Variants in LMNB1 observed in about 807,000 individuals in gnomAD.
The protein encoded by LMNB1 is lamin-B1.
In LMNB1, 23 loss-of-function variants were observed where a neutral mutation model predicts 67.1. That is an observed-to-expected ratio of 0.34 (90% CI 0.25 to 0.49). The LOEUF is 0.49. Ranked by LOEUF, LMNB1 falls within the 20% of genes least tolerant of loss-of-function variation. The pLI is 0.99. For synonymous variants in LMNB1, 281 were observed against 282.9 expected (o/e 0.99, Z 0.07); for missense variants, 634 against 746.5 (o/e 0.85, Z 1.76).
At position 126,818,963 on chromosome 5, in the gene LMNB1, G is replaced by C. The variant is rs371177009; in HGVS notation, c.981G>C (p.Leu327Phe). Reference sequence around the variant, plus strand: ...AAAGGATTCAAGAATTAGAGGACTTGCTTGCTAAAGAAAAAGACAACTCTC... The same window carrying C: ...AAAGGATTCAAGAATTAGAGGACTTCCTTGCTAAAGAAAAAGACAACTCTC... Reference protein sequence around the residue: ...CLERIQELEDLLAKEKDNSRR... With the variant: ...CLERIQELEDFLAKEKDNSRR... Residue 327 changes from leucine to phenylalanine, a missense_variant, in exon 6 of 11, where the codon TTG (leucine) becomes TTC (phenylalanine). Physicochemically the swap from Leu to Phe is conservative, Grantham distance 22. Coordinates refer to ENST00000261366, the MANE Select transcript of LMNB1 (RefSeq NM_005573.4). The C allele has an allele frequency of 3.7e-6, 6 of 1,614,032 alleles. No homozygotes were observed. Among genetic ancestry groups the C allele is most frequent in the Non-Finnish European group, 5.1e-6 (6 of 1,180,006 alleles).
At position 126,777,746 on chromosome 5, in the gene LMNB1, G is replaced by C; in HGVS notation, c.238G>C (p.Ala80Pro). 1 of 1,537,166 alleles carries C rather than the reference G, an allele frequency of 6.5e-7. No individual in the cohort carries two copies. The highest frequency in any genetic ancestry group is 8.8e-7 in the Non-Finnish European group (1 of 1,140,726). ...VRGRELTGLK[A>P]LYETELADAR... ...CGGCCGTGAGCTCACCGGCCTCAAG[G>C]CGCTCTACGAGACCGAGCTGGCCGA... Residue 80 changes from alanine (A) to proline (P), a missense_variant, in exon 1 of 11, where the codon GCG becomes CCG. Physicochemically the swap from Ala to Pro is conservative, Grantham distance 27. Transcript: ENST00000261366.
intron 8 of LMNB1, 69 bp from the exon 9 acceptor site, chr5:126,825,919 C>T (rs965084851): frequency 5.0e-6 from 8 of 1,601,638 alleles, no homozygotes; most frequent in Admixed American, 3.4e-5. Context: ...TGAGTCTCAT[C>T]GCATTGCTGT....
In LMNB1 at chr5:126,836,945, G is replaced by A. The variant is rs1235073135; in HGVS notation, c.*681G>A. 1 of 398,036 alleles carries A rather than the reference G, an allele frequency of 2.5e-6. No homozygotes were observed. The highest frequency in any genetic ancestry group is 4.4e-5 in the Admixed American group (1 of 22,690). The allele number at this position is 398,036 out of a possible 1,614,324, so 24.7% of individuals were successfully genotyped here. ...GTTTCTCTATTAAAATGCATTCGTTGTGTTTTTTAAGATAGTGTAACTTGC... is the reference window on the plus strand; with the variant it reads ...GTTTCTCTATTAAAATGCATTCGTTATGTTTTTTAAGATAGTGTAACTTGC... On this transcript the variant is annotated 3_prime_UTR_variant, in exon 11 of 11. Coordinates refer to ENST00000261366, the MANE Select transcript of LMNB1 (RefSeq NM_005573.4).
chr5:126,818,901 T>C (rs745532498), intron 5 of LMNB1, 21 bp from the exon 6 acceptor site: 5 of 1,544,412 alleles, frequency 3.2e-6, no homozygotes, highest in Non-Finnish European at 2.7e-6. Context: ...AGAAAGTAAA[T>C]ATGTTTCCTT....
intron 6 of LMNB1, among the ~76,000 whole-genome samples, chr5:126,819,802 T>G (rs1219154356): frequency 6.6e-6 from 1 of 152,068 alleles, no homozygotes; most frequent in Admixed American, 6.6e-5. Context: ...TTATATATAT[T>G]TTAAATCTGG....
At chr5:126,791,520 T>TGC (rs1406410507) in intron 1 of LMNB1, among the ~76,000 whole-genome samples, 12 of 148,844 alleles carry the variant, frequency 8.1e-5, no homozygotes, top group South Asian at 2.2e-4. Flanking sequence ...TGCAGTGGCA[T>TGC]GATCTTGGCT....
intron 1 of LMNB1, among the ~76,000 whole-genome samples, chr5:126,800,410 T>C (rs1158106133): frequency 6.6e-6 from 1 of 151,816 alleles, no homozygotes; most frequent in Non-Finnish European, 1.5e-5. Flanking sequence ...CCAATGGCAG[T>C]TGGTTAGGAA....
intron 6 of LMNB1, 50 bp from the exon 7 acceptor site, chr5:126,820,860 A>T: frequency 7.5e-7 from 1 of 1,338,752 alleles, no homozygotes; most frequent in Non-Finnish European, 1.1e-6. Flanking sequence ...TTTTAAGGCG[A>T]GAAGGGCATA....
At chr5:126,813,483 C>CT (rs1298110582) in intron 5 of LMNB1, among the ~76,000 whole-genome samples, 1 of 152,186 alleles carries the variant, frequency 6.6e-6, no homozygotes, top group Non-Finnish European at 1.5e-5. Context: ...AACAGATAAT[C>CT]TTTTTTTCCA....
At chr5:126,820,848 T>G (rs923974722) in intron 6 of LMNB1, 62 bp from the exon 7 acceptor site, 64 of 1,319,140 alleles carry the variant, frequency 4.9e-5, no homozygotes, top group Middle Eastern at 1.8e-4. Flanking sequence ...TGTTTTTTTT[T>G]TTTTTAAGGC....
chr5:126,793,053 T>A (rs1751003995), intron 1 of LMNB1, among the ~76,000 whole-genome samples: 1 of 152,142 alleles, frequency 6.6e-6, no homozygotes, highest in South Asian at 2.1e-4. Context: ...TTAAAAACAG[T>A]ATATAGCTAC....
intron 1 of LMNB1, among the ~76,000 whole-genome samples, chr5:126,796,794 T>C (rs1436957351): frequency 5.4e-5 from 8 of 147,460 alleles, no homozygotes; most frequent in African/African-American, 1.7e-4. Flanking sequence ...TTCTTTTTTT[T>C]TTTTTTTTTT....
chr5:126,799,144 G>A (rs1319046919), intron 1 of LMNB1, among the ~76,000 whole-genome samples: 6 of 150,706 alleles, frequency 4.0e-5, no homozygotes, highest in Admixed American at 1.3e-4. Flanking sequence ...TCAGCCTCCC[G>A]AGTAGCTGGG....
chr5:126,810,067 C>T (rs537245514), intron 3 of LMNB1, 113 bp from the exon 4 acceptor site: 64 of 961,734 alleles, frequency 6.7e-5, no homozygotes, highest in Non-Finnish European at 9.0e-5. Flanking sequence ...CGCCTGAGGA[C>T]AAACAGGAGG....
Position 126,826,807 on chromosome 5 carries a change from C to T in LMNB1, c.1611+700C>T, listed in dbSNP as rs566825370. ...ATCACCTTATCCAGGTGCTGTACCA[C>T]GCATCACTGAGCCTCTGTTTAGAAT... On this transcript the variant is annotated intron_variant, in intron 9 of 10. Coordinates refer to ENST00000261366, the MANE Select transcript of LMNB1 (RefSeq NM_005573.4). 1.4e-3 allele frequency among the ~76,000 whole-genome samples: 219 copies of T among 152,340 alleles called. 2 individuals carry two copies. The highest frequency in any genetic ancestry group is 4.8e-3 in the African/African-American group (198 of 41,566).
chr5:126,805,797 C>A, intron 3 of LMNB1, 101 bp downstream of exon 3: 1 of 920,302 alleles, frequency 1.1e-6, no homozygotes, highest in Non-Finnish European at 1.6e-6. Flanking sequence ...ATTTCTTTGC[C>A]ACAAAAATAT....
In LMNB1 at chr5:126,804,822, C is replaced by T. The variant is rs1233102945; in HGVS notation, c.406C>T (p.Arg136Ter). Residue 136 changes from arginine to a stop codon, truncating the protein, a stop_gained, in exon 2 of 11, where the codon CGA becomes TGA. Transcript: ENST00000261366. LOFTEE classifies it high-confidence loss of function. Reference sequence around the variant, plus strand: ...TCTTAATGGCGCCCAGATCAAGCTTCGAGAATATGAAGCAGCACTGAATTC... The same window carrying T: ...TCTTAATGGCGCCCAGATCAAGCTTTGAGAATATGAAGCAGCACTGAATTC... ...SDLNGAQIKL[R>*]EYEAALNSKD... The T allele has an allele frequency of 1.9e-6, 3 of 1,614,076 alleles. No homozygotes were observed. The highest frequency in any genetic ancestry group is 1.3e-5 in the African/African-American group (1 of 75,016).
chr5:126,823,397 A>G (rs529442534), intron 8 of LMNB1, among the ~76,000 whole-genome samples: 2 of 152,272 alleles, frequency 1.3e-5, no homozygotes, highest in South Asian at 4.1e-4. Flanking sequence ...TTGATTTCTA[A>G]ATGGCTCTCT....
At chr5:126,799,524 C>A (rs1260913503) in intron 1 of LMNB1, among the ~76,000 whole-genome samples, 1 of 152,232 alleles carries the variant, frequency 6.6e-6, no homozygotes, top group Non-Finnish European at 1.5e-5. Flanking sequence ...TTTATGCTAC[C>A]TAGACAGCTA....
Sources: allele counts gnomAD v4.1 joint callset (sites outside exome capture counted in the v4.1 genomes callset), GRCh38; gene constraint gnomAD v4.1.1; transcripts MANE v1.5; gene names NCBI Gene and HGNC (gene_info 2026-07-23, HGNC 2026-07-21).